The following EEF2KMT variants were observed in gnomAD, a reference collection of about 807,000 sequenced individuals.
The protein encoded by EEF2KMT is eukaryotic elongation factor 2 lysine methyltransferase.
In EEF2KMT, 30 loss-of-function variants were observed where a neutral mutation model predicts 35.1. The ratio of observed to expected loss-of-function variants is 0.85; its 90% CI spans 0.64 to 1.16. The LOEUF is 1.16. EEF2KMT is among the 50% of genes most tolerant of loss of function. The probability of loss-of-function intolerance (pLI) is 0.00; values close to 1 mark genes in which losing one functional copy is unlikely to be tolerated. For missense variants in EEF2KMT, 499 were observed against 438.2 expected (o/e 1.14, Z -1.24); for synonymous variants, 190 against 187.7 (o/e 1.01, Z -0.10).
Position 5,093,506 on chromosome 16 carries a change from A to G in EEF2KMT, c.218T>C (p.Phe73Ser), listed in dbSNP as rs779797589. The change falls in exon 3 of 8, where the codon TTT becomes TCT. Residue 73 changes from phenylalanine (F) to serine (S), a missense_variant. By Grantham distance (155) the Phe-to-Ser change is radical (BLOSUM62 -2). Coordinates refer to ENST00000427587, the MANE Select transcript of EEF2KMT (RefSeq NM_201400.4). Reference sequence around the variant, plus strand: ...GACCTTTTTGATGAGTTCTGAGAGAAAGCACCGGGCATATTTGACGGACGG... The same window carrying G: ...GACCTTTTTGATGAGTTCTGAGAGAGAGCACCGGGCATATTTGACGGACGG... ...HPPSVKYARC[F>S]LSELIKKHEA... 6.2e-7 allele frequency: 1 copy of G among 1,611,986 alleles called. No homozygotes were observed. Among genetic ancestry groups the G allele is most frequent in the Non-Finnish European group, 8.5e-7 (1 of 1,179,832 alleles).
chr16:5,091,863 C>G lies in EEF2KMT; in HGVS notation c.273G>C (p.Glu91Asp). 1 of 1,611,932 alleles carries G rather than the reference C, an allele frequency of 6.2e-7. No individual in the cohort carries two copies. Among genetic ancestry groups the G allele is most frequent in the Non-Finnish European group, 8.5e-7 (1 of 1,179,800 alleles). ...GGGTCTCCGCCAGCGCTTCATACAG[C>G]TCGTCCAAAGGCTCTGTGTGGACAG... The part of the protein sequence containing the change: ...HEAVHTEPLD[E>D]LYEALAETLM... The change falls in exon 4 of 8, where the codon GAG becomes GAC. Residue 91 changes from glutamate (E) to aspartate (D), a missense_variant. Physicochemically the swap from Glu to Asp is conservative, Grantham distance 45 (BLOSUM62 2). Transcript: ENST00000427587.
At chr16:5,093,813 G>C (rs1321350947) in intron 2 of EEF2KMT, among the ~76,000 whole-genome samples, 1 of 152,214 alleles carries the variant, frequency 6.6e-6, no homozygotes, top group African/African-American at 2.4e-5. Flanking sequence ...CAGGAACACA[G>C]GGCATGTGGG....
At chr16:5,093,925 C>A (rs993835163) in intron 2 of EEF2KMT, among the ~76,000 whole-genome samples, 2 of 152,206 alleles carry the variant, frequency 1.3e-5, no homozygotes, top group Admixed American at 6.5e-5. Context: ...AAGGCCCACT[C>A]GGCAACTGCT....
chr16:5,086,066 T>A (rs760492544), intron 7 of EEF2KMT, among the ~76,000 whole-genome samples: 2 of 152,222 alleles, frequency 1.3e-5, no homozygotes, highest in African/African-American at 4.8e-5. Context: ...CCGGGCACAG[T>A]GGCTCATGCC....
At position 5,089,191 on chromosome 16, in the gene EEF2KMT, G is replaced by A. The variant is rs3204207; in HGVS notation, c.808C>T (p.Arg270Trp). The A allele has an allele frequency of 3.3e-5, 53 of 1,610,850 alleles. No individual in the cohort carries two copies. In the Admixed American group the frequency reaches 5.7e-4, roughly 17 times the overall value. Reference sequence around the variant, plus strand: ...ACCTCAGGAGCCCGCTGGTGCTCCCGGCAGGCAGCCAGCCTCCGCAGGACC... The same window carrying A: ...ACCTCAGGAGCCCGCTGGTGCTCCCAGCAGGCAGCCAGCCTCCGCAGGACC... Reference protein sequence around the residue: ...VGVLRRLAACREHQRAPEVYV... With the variant: ...VGVLRRLAACWEHQRAPEVYV... The change falls in exon 7 of 8, where the codon CGG becomes TGG. Residue 270 changes from arginine to tryptophan, a missense_variant. Physicochemically the swap from Arg to Trp is moderately radical, Grantham distance 101. Coordinates refer to ENST00000427587, the MANE Select transcript of EEF2KMT (RefSeq NM_201400.4).
intron 7 of EEF2KMT, among the ~76,000 whole-genome samples, chr16:5,088,554 C>A (rs1957266222): frequency 6.6e-6 from 1 of 152,038 alleles, no homozygotes; most frequent in South Asian, 2.1e-4. Context: ...CTCCGTGTGT[C>A]CTAGTGTCTT....
chr16:5,095,419 G>A lies in EEF2KMT; in HGVS notation c.159+33C>T, dbSNP rs777129442. The A allele has an allele frequency of 4.3e-6, 7 of 1,610,712 alleles. No homozygotes were observed. The African/African-American group carries it at 6.7e-5, about 15-fold the overall frequency. Reference sequence around the variant, plus strand: ...TCTTCTGGAGAGATTCAGGAGGCAGGGTCATGAGTCCCAGGGACTCTGGGA... The same window carrying A: ...TCTTCTGGAGAGATTCAGGAGGCAGAGTCATGAGTCCCAGGGACTCTGGGA... On this transcript the variant is annotated intron_variant, in intron 2 of 7. Coordinates refer to ENST00000427587, the MANE Select transcript of EEF2KMT (RefSeq NM_201400.4).
chr16:5,097,653 G>A lies in EEF2KMT; in HGVS notation c.87C>T (p.Phe29=). Residue 29 remains phenylalanine (F), a synonymous_variant, in exon 1 of 8, where the codon TTC becomes TTT. Coordinates refer to ENST00000427587, the MANE Select transcript of EEF2KMT (RefSeq NM_201400.4). Reference sequence around the variant, plus strand: ...TCGCCCCGCCGCCCACCTGCCAGGGGAAGGAGCGCAGTGTGCGTGCCGCCA... The same window carrying A: ...TCGCCCCGCCGCCCACCTGCCAGGGAAAGGAGCGCAGTGTGCGTGCCGCCA... The part of the protein sequence containing the change: ...RFLAARTLRS[F]PWQSLEAKLR... The A allele has an allele frequency of 3.8e-6, 6 of 1,570,584 alleles. No homozygotes were observed. Among genetic ancestry groups the A allele is most frequent in the Non-Finnish European group, 5.2e-6 (6 of 1,164,452 alleles).
At chr16:5,097,350 C>G (rs1405226628) in intron 1 of EEF2KMT, 1 of 1,446,088 alleles carries the variant, frequency 6.9e-7, no homozygotes, top group South Asian at 1.2e-5. Context: ...AGAACGATTA[C>G]TGCCTTTAAA....
At chr16:5,091,077 G>A (rs373055917) in intron 4 of EEF2KMT, among the ~76,000 whole-genome samples, 1 of 152,014 alleles carries the variant, frequency 6.6e-6, no homozygotes, top group Non-Finnish European at 1.5e-5. Context: ...ACCATGTCCG[G>A]CTACTTTTTG....
chr16:5,086,054 G>A (rs571206182), intron 7 of EEF2KMT, among the ~76,000 whole-genome samples: 1 of 152,228 alleles, frequency 6.6e-6, no homozygotes, highest in Non-Finnish European at 1.5e-5. Context: ...CTTAGAAAGC[G>A]GCCGGGCACA....
chr16:5,097,268 G>A (rs747367908), intron 1 of EEF2KMT: 13 of 1,317,144 alleles, frequency 9.9e-6, no homozygotes, highest in Non-Finnish European at 1.2e-5. Context: ...GCGCTCAGGA[G>A]GACGTGGTTA....
intron 7 of EEF2KMT, chr16:5,087,462 A>G (rs1279480790): frequency 6.6e-6 from 1 of 152,174 alleles, no homozygotes; most frequent in African/African-American, 2.4e-5. Flanking sequence ...AGTTGGGAAT[A>G]TAGGTACTCA....
intron 2 of EEF2KMT, among the ~76,000 whole-genome samples, chr16:5,094,308 G>T (rs898011886): frequency 2.0e-5 from 3 of 152,214 alleles, no homozygotes; most frequent in African/African-American, 7.2e-5. Flanking sequence ...TGTTGCCCAG[G>T]CTGGAGTGCA....
At chr16:5,096,079 T>A (rs558326440) in intron 1 of EEF2KMT, among the ~76,000 whole-genome samples, 2 of 152,096 alleles carry the variant, frequency 1.3e-5, no homozygotes, top group Admixed American at 6.5e-5. Context: ...CCCTGCTCAC[T>A]CCACTCCAGC....
rs1409387603 is a variant in EEF2KMT, at chr16:5,085,747, C to T, written c.893-15G>A. On this transcript the variant is annotated splice_polypyrimidine_tract_variant and intron_variant, in intron 7 of 7. Coordinates refer to ENST00000427587, the MANE Select transcript of EEF2KMT (RefSeq NM_201400.4). ...CCCGGCCCGGCCTGGAAACAGAGCA[C>T]ATGTGTTTGAGGATGGCGGTGTTTG... is the stretch of plus-strand genomic sequence containing the variant. 1.9e-6 allele frequency: 3 copies of T among 1,595,152 alleles called. No individual in the cohort carries two copies. Among genetic ancestry groups the T allele is most frequent in the African/African-American group, 1.3e-5 (1 of 74,472 alleles).
chr16:5,095,721 C>T (rs1166182337), intron 1 of EEF2KMT, among the ~76,000 whole-genome samples: 1 of 151,872 alleles, frequency 6.6e-6, no homozygotes, highest in Non-Finnish European at 1.5e-5. Flanking sequence ...GACTTTTGGC[C>T]ACATTAGTCC....
At chr16:5,097,550 C>T in intron 1 of EEF2KMT, 94 bp downstream of exon 1, 1 of 1,508,474 alleles carries the variant, frequency 6.6e-7, no homozygotes. Context: ...ACTCACGTGG[C>T]GGGAGCGCCA....
At chr16:5,085,779 G>A (rs773216565) in intron 7 of EEF2KMT, 47 bp from the exon 8 acceptor site, 4 of 1,406,058 alleles carry the variant, frequency 2.8e-6, no homozygotes, top group African/African-American at 1.4e-5. Context: ...TTTGGGGACA[G>A]GACATGAGGG....
Sources: allele counts gnomAD v4.1 joint callset (sites outside exome capture counted in the v4.1 genomes callset), GRCh38; gene constraint gnomAD v4.1.1; transcripts MANE v1.5; gene names NCBI Gene and HGNC (gene_info 2026-07-23, HGNC 2026-07-21).